ARHGEF26: variants seen among roughly 807,000 people sequenced by gnomAD.
ARHGEF26 encodes the protein Rho guanine nucleotide exchange factor (GEF) 26.
Under a neutral mutation model 89.4 loss-of-function variants are expected in ARHGEF26, and 59 were observed. That is an observed-to-expected ratio of 0.66 (90% CI 0.54 to 0.82). ARHGEF26 has a LOEUF of 0.82. Ranked by LOEUF, ARHGEF26 falls within the 40% of genes least tolerant of loss-of-function variation. The pLI, the probability that ARHGEF26 is intolerant of heterozygous loss-of-function variation, is 0.00. For missense variants in ARHGEF26, 1,234 were observed against 1,085.6 expected, an observed-to-expected ratio of 1.14 and a Z score of -1.92; for synonymous variants, 500 against 428.4, an observed-to-expected ratio of 1.17 and a Z score of -2.06.
chr3:154,227,380 C>T (rs556870289), intron 11 of ARHGEF26, among the ~76,000 whole-genome samples: 13 of 151,440 alleles, frequency 8.6e-5, no homozygotes, highest in Non-Finnish European at 1.9e-4. Flanking sequence ...ACTGCAGGCT[C>T]CGCCTCCCGG....
chr3:154,159,095 A>G (rs1032083668), intron 6 of ARHGEF26, among the ~76,000 whole-genome samples: 12 of 152,138 alleles, frequency 7.9e-5, no homozygotes, highest in African/African-American at 2.7e-4. Flanking sequence ...TTTCTGCAAA[A>G]TGAAAATTAG....
At chr3:154,237,765 A>G (rs544336689) in intron 11 of ARHGEF26, among the ~76,000 whole-genome samples, 1 of 152,286 alleles carries the variant, frequency 6.6e-6, no homozygotes, top group Non-Finnish European at 1.5e-5. Context: ...TACAACGCCT[A>G]CACACATGTC....
At chr3:154,221,062 A>G (rs867384609) in intron 10 of ARHGEF26, among the ~76,000 whole-genome samples, 6 of 152,020 alleles carry the variant, frequency 3.9e-5, no homozygotes, top group Non-Finnish European at 2.9e-5. Flanking sequence ...ATTCCCTAGC[A>G]CCTTCTGAGA....
At chr3:154,147,097 G>A (rs538048792) in intron 4 of ARHGEF26, among the ~76,000 whole-genome samples, 6 of 152,174 alleles carry the variant, frequency 3.9e-5, no homozygotes, top group Non-Finnish European at 2.9e-5. Flanking sequence ...GCTGAAGCTG[G>A]TATGAAATGT....
At chr3:154,230,797 AT>A (rs1014109075) in intron 11 of ARHGEF26, among the ~76,000 whole-genome samples, 15 of 151,414 alleles carry the variant, frequency 9.9e-5, no homozygotes, top group African/African-American at 3.6e-4. Context: ...AAAATTTTTA[AT>A]TTTTTTTTCA....
intron 12 of ARHGEF26, among the ~76,000 whole-genome samples, chr3:154,246,806 G>A (rs933514666): frequency 6.6e-6 from 1 of 152,172 alleles, no homozygotes; most frequent in Non-Finnish European, 1.5e-5. Context: ...ACCAACTGAT[G>A]GATTGGATGA....
rs1338814174 is a variant in ARHGEF26, at chr3:154,257,766, T to A, written c.*2293T>A. 4 of 152,208 alleles carry A rather than the reference T, an allele frequency of 2.6e-5. No individual in the cohort carries two copies. Among genetic ancestry groups the A allele is most frequent in the Non-Finnish European group, 5.9e-5 (4 of 68,040 alleles). The allele number at this position is 152,208 out of a possible 1,614,324, so 9.4% of individuals were successfully genotyped here. On this transcript the variant is annotated 3_prime_UTR_variant, in exon 15 of 15. Coordinates refer to ENST00000465093, the MANE Select transcript of ARHGEF26 (RefSeq NM_015595.4). The stretch of plus-strand genomic sequence containing the variant: ...AATGTTCATTTTTGTCCCAGTAAAT[T>A]GAGACTGCTTGTACACTTTCAGAAA...
chr3:154,159,152 C>T (rs1048244767), intron 6 of ARHGEF26, among the ~76,000 whole-genome samples: 2 of 152,030 alleles, frequency 1.3e-5, no homozygotes, highest in African/African-American at 4.8e-5. Context: ...TTTTTACTCT[C>T]AATTCTGAGT....
intron 11 of ARHGEF26, 147 bp from the exon 12 acceptor site, chr3:154,240,223 A>G: frequency 1.6e-6 from 1 of 615,026 alleles, no homozygotes; most frequent in Non-Finnish European, 2.9e-6. Flanking sequence ...TAGAATTCAA[A>G]TTCCAATTCA....
At chr3:154,190,870 G>A (rs1158043339) in intron 7 of ARHGEF26, among the ~76,000 whole-genome samples, 1 of 152,148 alleles carries the variant, frequency 6.6e-6, no homozygotes, top group African/African-American at 2.4e-5. Flanking sequence ...GTCTAGGGCT[G>A]GAGAAGTGGC....
At chr3:154,231,724 A>G (rs1716834359) in intron 11 of ARHGEF26, among the ~76,000 whole-genome samples, 1 of 152,216 alleles carries the variant, frequency 6.6e-6, no homozygotes, top group South Asian at 2.1e-4. Context: ...CTCTAGGACC[A>G]GACATGAATT....
At chr3:154,186,589 C>T (rs545681100) in intron 6 of ARHGEF26, among the ~76,000 whole-genome samples, 1 of 151,924 alleles carries the variant, frequency 6.6e-6, no homozygotes, top group Non-Finnish European at 1.5e-5. Flanking sequence ...GGTGAAACCC[C>T]GTCTCTACTA....
At chr3:154,213,810 T>C (rs943058900) in intron 9 of ARHGEF26, among the ~76,000 whole-genome samples, 1 of 152,060 alleles carries the variant, frequency 6.6e-6, no homozygotes, top group Non-Finnish European at 1.5e-5. Context: ...AAATTGTTTC[T>C]TTTTTTTAAA....
chr3:154,182,742 G>C (rs1713264952), intron 6 of ARHGEF26, among the ~76,000 whole-genome samples: 1 of 152,230 alleles, frequency 6.6e-6, no homozygotes. Context: ...GGCAGCAGGT[G>C]TTTTGGTTCA....
At chr3:154,133,288 C>T (rs139307558) in intron 4 of ARHGEF26, among the ~76,000 whole-genome samples, 106 of 152,126 alleles carry the variant, frequency 7.0e-4, no homozygotes, top group African/African-American at 2.5e-3. Context: ...GGTGGTTCCC[C>T]ATTTATGGTG....
chr3:154,191,873 C>T (rs915048998), intron 8 of ARHGEF26, among the ~76,000 whole-genome samples: 1 of 152,216 alleles, frequency 6.6e-6, no homozygotes, highest in African/African-American at 2.4e-5. Context: ...TTCAGCATGA[C>T]AAGGCATAGT....
chr3:154,191,132 A>G (rs1713929027), intron 7 of ARHGEF26, among the ~76,000 whole-genome samples, 157 bp from the exon 8 acceptor site: 1 of 152,148 alleles, frequency 6.6e-6, no homozygotes, highest in South Asian at 2.1e-4. Context: ...AGCCATTCGT[A>G]TTTGCCAGTG....
intron 4 of ARHGEF26, among the ~76,000 whole-genome samples, chr3:154,131,253 A>G (rs976663209): frequency 2.0e-5 from 3 of 152,186 alleles, no homozygotes; most frequent in Non-Finnish European, 4.4e-5. Flanking sequence ...AGGTGAGTGC[A>G]GGGGCTCAGT....
chr3:154,192,002 T>G (rs994319839), intron 8 of ARHGEF26, among the ~76,000 whole-genome samples: 3 of 152,132 alleles, frequency 2.0e-5, no homozygotes, highest in Non-Finnish European at 2.9e-5. Context: ...AAGACATGAC[T>G]GGGAAAAGTG....
Sources: gnomAD v4.1 joint callset for allele counts (sites outside exome capture counted in the v4.1 genomes callset) on GRCh38, gnomAD v4.1.1 for gene constraint, MANE v1.5 for transcripts, NCBI Gene and HGNC (gene_info 2026-07-23, HGNC 2026-07-21) for gene names.